Variants in ACBD6 observed in about 807,000 individuals in gnomAD.
ACBD6 encodes acyl-CoA binding domain containing 6.
ACBD6 carries 28 observed loss-of-function variants against 37.2 expected under a neutral mutation model. That is an observed-to-expected ratio of 0.75 (90% CI 0.56 to 1.03). The LOEUF is 1.03. ACBD6 is among the 50% of genes least tolerant of loss of function. The pLI is 0.00. For missense variants in ACBD6, 340 were observed against 337.4 expected, an observed-to-expected ratio of 1.01 and a Z score of -0.06; for synonymous variants, 113 against 126.8, an observed-to-expected ratio of 0.89 and a Z score of 0.73.
At chr1:180,341,098 T>C (rs1253748983) in intron 6 of ACBD6, among the ~76,000 whole-genome samples, 4 of 152,118 alleles carry the variant, frequency 2.6e-5, no homozygotes, top group Admixed American at 6.6e-5. Context: ...GTAGAATTCA[T>C]TTAAATATCT....
intron 5 of ACBD6, among the ~76,000 whole-genome samples, chr1:180,399,948 C>A (rs1234387786): frequency 1.3e-5 from 2 of 151,994 alleles, no homozygotes; most frequent in Non-Finnish European, 2.9e-5. Context: ...AGGGTACTTA[C>A]AAAAACTATG....
At chr1:180,473,038 G>C (rs1650628189) in intron 3 of ACBD6, among the ~76,000 whole-genome samples, 9 of 152,052 alleles carry the variant, frequency 5.9e-5, no homozygotes, top group Admixed American at 5.9e-4. Flanking sequence ...ATGCTCCATG[G>C]ACTATAAAAA....
chr1:180,401,722 A>C (rs1180333458), intron 5 of ACBD6, among the ~76,000 whole-genome samples: 1 of 143,346 alleles, frequency 7.0e-6, no homozygotes, highest in Non-Finnish European at 1.5e-5. Flanking sequence ...TGGGAGGTGG[A>C]GGTTGCAGTG....
intron 3 of ACBD6, among the ~76,000 whole-genome samples, chr1:180,457,431 T>TGAATG (rs1197525298): frequency 7.9e-5 from 12 of 152,152 alleles, no homozygotes; most frequent in Non-Finnish European, 1.5e-4. Context: ...ACCCAGATAG[T>TGAATG]CCTACGGGGA....
At chr1:180,483,207 T>C (rs1651124181) in intron 3 of ACBD6, among the ~76,000 whole-genome samples, 1 of 152,172 alleles carries the variant, frequency 6.6e-6, no homozygotes, top group African/African-American at 2.4e-5. Context: ...CTGTTTCCTC[T>C]ATACAGAATG....
intron 6 of ACBD6, among the ~76,000 whole-genome samples, chr1:180,368,742 T>C (rs1221336417): frequency 6.6e-6 from 1 of 151,166 alleles, no homozygotes; most frequent in Non-Finnish European, 1.5e-5. Flanking sequence ...ATGTTTAAAT[T>C]ATAATTAGGC....
At chr1:180,346,204 C>T (rs898752531) in intron 6 of ACBD6, among the ~76,000 whole-genome samples, 4 of 152,106 alleles carry the variant, frequency 2.6e-5, no homozygotes, top group Admixed American at 6.5e-5. Flanking sequence ...CAAACTACAT[C>T]GTGGAGTAAT....
intron 3 of ACBD6, among the ~76,000 whole-genome samples, chr1:180,437,231 GA>G (rs1324412353): frequency 6.6e-6 from 1 of 152,138 alleles, no homozygotes; most frequent in Non-Finnish European, 1.5e-5. Context: ...GAACTCAGTT[GA>G]ACCCAAAGAG....
chr1:180,445,679 C>T (rs1649444832), intron 3 of ACBD6, among the ~76,000 whole-genome samples: 1 of 151,988 alleles, frequency 6.6e-6, no homozygotes, highest in Admixed American at 6.6e-5. Context: ...AATTCCAGCA[C>T]TTTGAAAGGC....
At chr1:180,278,067 G>A (rs1649145357) in intron 9 of ACBD6, 1 of 152,152 alleles carries the variant, frequency 6.6e-6, no homozygotes, top group Non-Finnish European at 1.5e-5. Context: ...ATGAGCAAAG[G>A]CTGTGTGTTG....
intron 7 of ACBD6, among the ~76,000 whole-genome samples, chr1:180,293,899 T>C (rs1649812486): frequency 6.7e-6 from 1 of 149,184 alleles, no homozygotes; most frequent in South Asian, 2.1e-4. Context: ...GCACTTCTAT[T>C]TCCTTTTTTT....
At chr1:180,463,755 A>T (rs1202966299) in intron 3 of ACBD6, among the ~76,000 whole-genome samples, 1 of 152,194 alleles carries the variant, frequency 6.6e-6, no homozygotes, top group African/African-American at 2.4e-5. Context: ...ACACAACAAA[A>T]AAAGAAAATT....
Position 180,368,687 on chromosome 1 carries a change from T to C in ACBD6, c.663+28829A>G, listed in dbSNP as rs151062343. Reference sequence around the variant, plus strand: ...CCCCAGTGAATGCCTGAATGGTGGATAGTACCAAATCCTACATATATTATT... The same window carrying C: ...CCCCAGTGAATGCCTGAATGGTGGACAGTACCAAATCCTACATATATTATT... On this transcript the variant is annotated intron_variant, in intron 6 of 7. Transcript: ENST00000367595. Among the ~76,000 whole-genome samples the C allele has an allele frequency of 2.9e-3, 447 of 151,570 alleles. 10 individuals carry two copies. The highest frequency in any genetic ancestry group is 0.028 in the Middle Eastern group (8 of 290).
intron 6 of ACBD6, among the ~76,000 whole-genome samples, chr1:180,315,675 A>G (rs1650769746): frequency 6.6e-6 from 1 of 152,156 alleles, no homozygotes; most frequent in Non-Finnish European, 1.5e-5. Flanking sequence ...GGGTCTCCCT[A>G]TTTATCTCCT....
intron 4 of ACBD6, 42 bp downstream of exon 4, chr1:180,430,138 G>A: frequency 6.6e-7 from 1 of 1,514,274 alleles, no homozygotes; most frequent in Non-Finnish European, 9.2e-7. Context: ...CACACACACA[G>A]GCATATATAT....
At chr1:180,329,156 T>C (rs938726884) in intron 6 of ACBD6, among the ~76,000 whole-genome samples, 1 of 152,236 alleles carries the variant, frequency 6.6e-6, no homozygotes, top group Non-Finnish European at 1.5e-5. Context: ...AAACTGATTA[T>C]ATCCCTCAAT....
intron 3 of ACBD6, among the ~76,000 whole-genome samples, chr1:180,441,533 T>A (rs1002110427): frequency 1.1e-4 from 16 of 152,200 alleles, no homozygotes; most frequent in Non-Finnish European, 1.8e-4. Flanking sequence ...TTCCATTAAC[T>A]TAGGTCTTCT....
At chr1:180,322,280 T>C (rs1261487411) in intron 6 of ACBD6, among the ~76,000 whole-genome samples, 1 of 152,154 alleles carries the variant, frequency 6.6e-6, no homozygotes, top group Non-Finnish European at 1.5e-5. Context: ...TTGTTGAGGA[T>C]TTCTGAATCA....
chr1:180,334,952 G>A (rs1256452589), intron 6 of ACBD6, among the ~76,000 whole-genome samples: 1 of 152,110 alleles, frequency 6.6e-6, no homozygotes, highest in Non-Finnish European at 1.5e-5. Context: ...GAGAAGAGAA[G>A]TTTAGAGAAA....
Sources: allele counts gnomAD v4.1 joint callset (sites outside exome capture counted in the v4.1 genomes callset), GRCh38; gene constraint gnomAD v4.1.1; transcripts MANE v1.5; gene names NCBI Gene and HGNC (gene_info 2026-07-23, HGNC 2026-07-21).